SORCS2: variants seen among roughly 807,000 people sequenced by gnomAD.
The protein encoded by SORCS2 is sortilin related VPS10 domain containing receptor 2.
A neutral mutation model predicts 141.6 loss-of-function variants in SORCS2; 100 were observed. The observed-to-expected ratio is 0.71, with a 90% confidence interval of 0.60 to 0.83. SORCS2 has a LOEUF of 0.83. Ranked by LOEUF, SORCS2 falls within the 40% of genes least tolerant of loss-of-function variation. The pLI, the probability that SORCS2 is intolerant of heterozygous loss-of-function variation, is 0.00. For missense variants in SORCS2, 1,646 were observed against 1,560.2 expected (o/e 1.05, Z -0.93); for synonymous variants, 789 against 676.9 (o/e 1.17, Z -2.57).
intron 2 of SORCS2, among the ~76,000 whole-genome samples, chr4:7,500,074 C>T (rs1329838954): frequency 6.6e-6 from 1 of 152,198 alleles, no homozygotes; most frequent in African/African-American, 2.4e-5. Context: ...AAGCTCTGAC[C>T]TCACGGGCTT....
At position 7,201,093 on chromosome 4, in the gene SORCS2, G is replaced by C. The variant is rs986844287; in HGVS notation, c.480+7967G>C. Among the ~76,000 whole-genome samples, 10 of 152,198 alleles carry C rather than the reference G, an allele frequency of 6.6e-5. No individual in the cohort carries two copies. The highest frequency in any genetic ancestry group is 2.4e-4 in the African/African-American group (10 of 41,442). On this transcript the variant is annotated intron_variant, in intron 1 of 26. Transcript: ENST00000507866. The surrounding 1 kb of genome is among the most constrained non-coding windows in gnomAD (Gnocchi z 4.4). ...TTCACCCCAGCGCGTTCTAGGTGCC[G>C]TGTGAATCTGCGCTGGGGAAGTCTG...
chr4:7,239,044 A>G (rs7660249), intron 1 of SORCS2, among the ~76,000 whole-genome samples: 28,662 of 152,124 alleles, frequency 0.19, 3,551 homozygotes, highest in African/African-American at 0.35. Flanking sequence ...TGGGCACAGC[A>G]CTGGACTCAG....
intron 17 of SORCS2, 116 bp from the exon 18 acceptor site, chr4:7,717,896 A>G: frequency 9.0e-7 from 1 of 1,111,624 alleles, no homozygotes; most frequent in African/African-American, 1.6e-5. Context: ...GTAGAGTCCT[A>G]GGGGTGGGAA....
chr4:7,208,312 G>T (rs1577276524), intron 1 of SORCS2, among the ~76,000 whole-genome samples: 1 of 152,296 alleles, frequency 6.6e-6, no homozygotes, highest in African/African-American at 2.4e-5. Flanking sequence ...GCCCCCACAG[G>T]GTTTCTACTT....
chr4:7,438,668 C>T (rs1397159769), intron 2 of SORCS2, among the ~76,000 whole-genome samples: 2 of 151,640 alleles, frequency 1.3e-5, no homozygotes, highest in Non-Finnish European at 2.9e-5. Flanking sequence ...TCCTTCCTTC[C>T]TCTTTCCTTT....
intron 1 of SORCS2, among the ~76,000 whole-genome samples, chr4:7,296,144 C>G (rs1480980685): frequency 6.6e-6 from 1 of 152,222 alleles, no homozygotes; most frequent in Non-Finnish European, 1.5e-5. Flanking sequence ...GCTGGTCGCC[C>G]CATGCTGACC....
intron 3 of SORCS2, among the ~76,000 whole-genome samples, chr4:7,549,248 A>C (rs914907695): frequency 6.6e-6 from 1 of 152,142 alleles, no homozygotes; most frequent in Non-Finnish European, 1.5e-5. Context: ...TAGGACTTCA[A>C]AAAAATCTCA....
chr4:7,199,844 C>T (rs970827138), intron 1 of SORCS2, among the ~76,000 whole-genome samples: 1 of 152,066 alleles, frequency 6.6e-6, no homozygotes, highest in African/African-American at 2.4e-5. Flanking sequence ...TGAGAAGCTC[C>T]CAAACCCACT....
intron 1 of SORCS2, among the ~76,000 whole-genome samples, chr4:7,313,843 T>C (rs1718363287): frequency 6.6e-6 from 1 of 152,146 alleles, no homozygotes; most frequent in South Asian, 2.1e-4. Context: ...TGTGACTTGG[T>C]CCATCCTGTT....
At position 7,689,873 on chromosome 4, in the gene SORCS2, T is replaced by C. The variant is rs1402917571; in HGVS notation, c.1591+285T>C. Among the ~76,000 whole-genome samples the C allele has an allele frequency of 2.8e-5, 4 of 143,212 alleles. No individual in the cohort carries two copies. The East Asian group carries it at 7.7e-4, about 28-fold the overall frequency. The allele number at this position is 143,212 out of a possible 152,430, so 94.0% of individuals were successfully genotyped here. A position where few individuals can be genotyped will look rare whatever the true frequency, so the allele number is the denominator to read the frequency against. On this transcript the variant is annotated intron_variant, in intron 11 of 26. Transcript: ENST00000507866. Reference sequence around the variant, plus strand: ...AGACAAATTGATAGATGATGAATGATGGATAGGTGGATGGTGGATGAATGA... The same window carrying C: ...AGACAAATTGATAGATGATGAATGACGGATAGGTGGATGGTGGATGAATGA...
intron 5 of SORCS2, among the ~76,000 whole-genome samples, chr4:7,654,437 C>T (rs1037312571): frequency 6.6e-6 from 1 of 152,206 alleles, no homozygotes; most frequent in African/African-American, 2.4e-5. Flanking sequence ...TATCAGAAAT[C>T]GTAGAGTCCA....
chr4:7,366,384 C>A (rs1466240306), intron 1 of SORCS2, among the ~76,000 whole-genome samples: 1 of 151,852 alleles, frequency 6.6e-6, no homozygotes, highest in East Asian at 1.9e-4. Context: ...GGGCAGCCTG[C>A]GGGGGGATCC....
At chr4:7,568,848 C>G (rs1715195505) in intron 3 of SORCS2, among the ~76,000 whole-genome samples, 1 of 152,216 alleles carries the variant, frequency 6.6e-6, no homozygotes, top group African/African-American at 2.4e-5. Context: ...TAGTTCATCT[C>G]TTCCCGTAGG....
chr4:7,642,374 C>T (rs187793968), intron 4 of SORCS2, among the ~76,000 whole-genome samples: 4 of 152,348 alleles, frequency 2.6e-5, no homozygotes, highest in Non-Finnish European at 5.9e-5. Context: ...ATTGCAATTG[C>T]TCTCTAATTT....
chr4:7,510,481 C>T (rs1732552563), intron 2 of SORCS2, among the ~76,000 whole-genome samples: 1 of 142,890 alleles, frequency 7.0e-6, no homozygotes, highest in East Asian at 2.1e-4. Context: ...TGGTTTCGGC[C>T]AGTTCCAGGT....
At chr4:7,445,049 C>A (rs1301565458) in intron 2 of SORCS2, among the ~76,000 whole-genome samples, 1 of 152,122 alleles carries the variant, frequency 6.6e-6, no homozygotes, top group Non-Finnish European at 1.5e-5. Context: ...TAGGACTGGA[C>A]CATTGCTGCG....
chr4:7,711,752 C>T (rs139131333), intron 14 of SORCS2, among the ~76,000 whole-genome samples: 1 of 152,348 alleles, frequency 6.6e-6, no homozygotes, highest in Non-Finnish European at 1.5e-5. Flanking sequence ...AGTTACTCAA[C>T]CTCTCTGTGC....
intron 2 of SORCS2, among the ~76,000 whole-genome samples, chr4:7,443,832 C>T (rs1161362030): frequency 2.0e-5 from 3 of 152,380 alleles, no homozygotes; most frequent in African/African-American, 4.8e-5. Flanking sequence ...GCTCCTCCCA[C>T]GGCATCAGAA....
intron 3 of SORCS2, among the ~76,000 whole-genome samples, chr4:7,587,773 C>T (rs978532539): frequency 6.6e-6 from 1 of 152,190 alleles, no homozygotes; most frequent in Non-Finnish European, 1.5e-5. Context: ...TTTGCCCCCT[C>T]TTTCCAGCTG....
Sources: gnomAD v4.1 joint callset for allele counts (sites outside exome capture counted in the v4.1 genomes callset) on GRCh38, gnomAD v4.1.1 for gene constraint, Gnocchi (gnomAD v3.1) non-coding constraint, MANE v1.5 for transcripts, NCBI Gene and HGNC (gene_info 2026-07-23, HGNC 2026-07-21) for gene names.